FOXI3: variants seen among roughly 807,000 people sequenced by gnomAD.
FOXI3 encodes forkhead box I3, also known as forkhead box protein I3.
FOXI3 carries 4 observed loss-of-function variants against 15.6 expected under a neutral mutation model. The ratio of observed to expected loss-of-function variants is 0.26; its 90% CI spans 0.13 to 0.59. The LOEUF (loss-of-function observed/expected upper bound fraction) is 0.59, where lower values mean the gene tolerates loss of function less well. Ranked by LOEUF, FOXI3 falls within the 20% of genes least tolerant of loss-of-function variation. The probability of loss-of-function intolerance (pLI) is 0.90; values close to 1 mark genes in which losing one functional copy is unlikely to be tolerated. For missense variants in FOXI3, 489 were observed against 548.2 expected, an observed-to-expected ratio of 0.89 and a Z score of 1.08; for synonymous variants, 238 against 244.4, an observed-to-expected ratio of 0.97 and a Z score of 0.25.
chr2:88,448,921 G>C, intron 1 of FOXI3, 92 bp from the exon 2 acceptor site: 1 of 1,350,508 alleles, frequency 7.4e-7, no homozygotes, highest in Non-Finnish European at 1.0e-6. Flanking sequence ...ACTCTCATTA[G>C]ATGCTGACAA....
In FOXI3 at chr2:88,452,460, C is replaced by CGGCGGCGGT; in HGVS notation, c.67_75dup (p.Thr23_Ala25dup). 1 of 1,059,806 alleles carries CGGCGGCGGT rather than the reference C, an allele frequency of 9.4e-7. No individual in the cohort carries two copies. Among genetic ancestry groups the CGGCGGCGGT allele is most frequent in the South Asian group, 4.4e-5 (1 of 22,660 alleles). The allele number at this position is 1,059,806 out of a possible 1,614,324, so 65.7% of individuals were successfully genotyped here. On this transcript the variant is annotated inframe_insertion, in exon 1 of 2. Transcript: ENST00000428390. Reference sequence around the variant, plus strand: ...CTGGCTGCCGGGGGGGCGCCCGGGGCGGCGGCGGTGGCGGCGGGCGGGGGC... The same window carrying CGGCGGCGGT: ...CTGGCTGCCGGGGGGGCGCCCGGGGCGGCGGCGGTGGCGGCGGTGGCGGCGGGCGGGGGC...
rs1558612069 is a variant in FOXI3 at position 88,452,200 on chromosome 2, G to GGC, written c.335_336insGC (p.Ala113ProfsTer29). On this transcript the variant is annotated frameshift_variant, in exon 1 of 2. Coordinates refer to ENST00000428390, the MANE Select transcript of FOXI3 (RefSeq NM_001135649.3). LOFTEE classifies it high-confidence loss of function. ...CGGGCGAGGCGGGCGCGGCGGGCGC[G>GGC]GGCTGCGCGAAGGGCCGCTGAGAGC... 33 of 1,197,772 alleles carry GGC rather than the reference G, an allele frequency of 2.8e-5. No homozygotes were observed. The highest frequency in any genetic ancestry group is 4.0e-5 in the South Asian group (1 of 25,148). 74.2% of individuals were successfully genotyped at this position (1,197,772 alleles called of 1,614,324 possible). A position where few individuals can be genotyped will look rare whatever the true frequency, so the allele number is the denominator to read the frequency against.
In FOXI3 at chr2:88,448,976, GA is replaced by G; in HGVS notation, c.641-148del. 7.5e-6 allele frequency: 8 copies of G among 1,064,920 alleles called. No individual in the cohort carries two copies. The South Asian group carries it at 1.1e-4, about 14-fold the overall frequency. The allele number at this position is 1,064,920 out of a possible 1,614,324, so 66.0% of individuals were successfully genotyped here. A position where few individuals can be genotyped will look rare whatever the true frequency, so the allele number is the denominator to read the frequency against. ...ATATTCAAACCAATCCTCTTTCGGG[GA>G]AAATGTTACTCTTTGCTTCAGAGAA... On this transcript the variant is annotated intron_variant, in intron 1 of 1. Transcript: ENST00000428390.
At position 88,446,875 on chromosome 2, in the gene FOXI3, G is replaced by A. The variant is rs139181489; in HGVS notation, c.*1332C>T. On this transcript the variant is annotated 3_prime_UTR_variant, in exon 2 of 2. Coordinates refer to ENST00000428390, the MANE Select transcript of FOXI3 (RefSeq NM_001135649.3). Reference sequence around the variant, plus strand: ...TCCTTCCCTCTATATACTTATAACTGGCTATGGAGGCTGGTTTCTTGGTTT... The same window carrying A: ...TCCTTCCCTCTATATACTTATAACTAGCTATGGAGGCTGGTTTCTTGGTTT... The A allele has an allele frequency of 6.6e-6, 1 of 152,238 alleles. No homozygotes were observed. The highest frequency in any genetic ancestry group is 1.5e-5 in the Non-Finnish European group (1 of 68,028). 9.4% of individuals were successfully genotyped at this position (152,238 alleles called of 1,614,324 possible). A position where few individuals can be genotyped will look rare whatever the true frequency, so the allele number is the denominator to read the frequency against.
In FOXI3 at chr2:88,448,312, G is replaced by T. The variant is rs747609715; in HGVS notation, c.1158C>A (p.Phe386Leu). 3 of 1,551,722 alleles carry T rather than the reference G, an allele frequency of 1.9e-6. No homozygotes were observed. The South Asian group carries it at 3.6e-5, about 18-fold the overall frequency. The change falls in exon 2 of 2, where the codon TTC becomes TTA. Residue 386 changes from phenylalanine to leucine, a missense_variant. Transcript: ENST00000428390. ...TGQRSSYYSP[F>L]PASTSGGQSS... ...TTTGCCCCCCGCTGGTGCTGGCAGG[G>T]AAAGGGCTGTAATAGGAAGATCTCT...
In FOXI3 at chr2:88,448,787, A is replaced by G; in HGVS notation, c.683T>C (p.Met228Thr). The G allele has an allele frequency of 4.5e-6, 7 of 1,551,628 alleles. No homozygotes were observed. The highest frequency in any genetic ancestry group is 6.1e-6 in the Non-Finnish European group (7 of 1,146,964). The change falls in exon 2 of 2, where the codon ATG becomes ACG. Residue 228 changes from methionine (M) to threonine (T), a missense_variant. Met to Thr is a moderately conservative substitution (Grantham distance 81). Transcript: ENST00000428390. Reference sequence around the variant, plus strand: ...CCGACGGAAGTTCCCATTGTCAAACATTTTCTCGCAGTTCGGATCAAGAGT... The same window carrying G: ...CCGACGGAAGTTCCCATTGTCAAACGTTTTCTCGCAGTTCGGATCAAGAGT... ...YWTLDPNCEK[M>T]FDNGNFRRKR...
At position 88,452,532 on chromosome 2, in the gene FOXI3, C is replaced by G; in HGVS notation, c.4G>C (p.Ala2Pro). 9.2e-7 allele frequency: 1 copy of G among 1,089,222 alleles called. No homozygotes were observed. Among genetic ancestry groups the G allele is most frequent in the Non-Finnish European group, 1.1e-6 (1 of 897,296 alleles). The allele number at this position is 1,089,222 out of a possible 1,614,324, so 67.5% of individuals were successfully genotyped here. ...CCGAAGTTGTCGCCGCAGTAGAGGGCCATGTCGGCGGCCGTGGGCGGCTGC... is the reference window on the plus strand; with the variant it reads ...CCGAAGTTGTCGCCGCAGTAGAGGGGCATGTCGGCGGCCGTGGGCGGCTGC... Reference protein sequence around the residue: MALYCGDNFGVY... With the variant: MPLYCGDNFGVY... The change falls in exon 1 of 2, where the codon GCC becomes CCC. Residue 2 changes from alanine to proline, a missense_variant. This residue lies in a region of FOXI3 where 224 missense variants were observed against 245.7 expected (regional missense o/e 0.91). Transcript: ENST00000428390.
In FOXI3 at chr2:88,448,352, C is replaced by T. The variant is rs1396042642; in HGVS notation, c.1118G>A (p.Ser373Asn). ...GGAAGATCTCTGGCCGGTGCTATTG[C>T]TGGTGCTATTGCTCAGTTGCAAGGT... ...ADTLQLSNST[S>N]NSTGQRSSYY... The change falls in exon 2 of 2, where the codon AGC (serine) becomes AAC (asparagine). Residue 373 changes from serine to asparagine, a missense_variant. By Grantham distance (46) the Ser-to-Asn change is conservative. Coordinates refer to ENST00000428390, the MANE Select transcript of FOXI3 (RefSeq NM_001135649.3). 6.4e-7 allele frequency: 1 copy of T among 1,551,524 alleles called. No homozygotes were observed. The highest frequency in any genetic ancestry group is 8.7e-7 in the Non-Finnish European group (1 of 1,146,980).
At chr2:88,449,591 T>C (rs1676007994) in intron 1 of FOXI3, among the ~76,000 whole-genome samples, 1 of 152,202 alleles carries the variant, frequency 6.6e-6, no homozygotes, top group Non-Finnish European at 1.5e-5. Context: ...TTTCACCCAT[T>C]GGGTAAATAA....
chr2:88,448,514 A>G lies in FOXI3; in HGVS notation c.956T>C (p.Leu319Pro), dbSNP rs910899928. The change falls in exon 2 of 2, where the codon CTC (leucine) becomes CCC (proline). Residue 319 changes from leucine to proline, a missense_variant. By Grantham distance (98) the Leu-to-Pro change is moderately conservative. This residue lies in a region of FOXI3 where 263 missense variants were observed against 285.5 expected (regional missense o/e 0.92). Coordinates refer to ENST00000428390, the MANE Select transcript of FOXI3 (RefSeq NM_001135649.3). The part of the protein sequence containing the change: ...TPCLNTFFSS[L>P]SSLSVSSSVS... ...ACTGCTGCTGACACTCAAGGAGCTG[A>G]GGCTGCTGAAGAAAGTGTTGAGACA... The G allele has an allele frequency of 6.4e-7, 1 of 1,551,550 alleles. No individual in the cohort carries two copies. The highest frequency in any genetic ancestry group is 1.4e-5 in the African/African-American group (1 of 73,026).
In FOXI3 at chr2:88,452,643, C is replaced by T. The variant is rs1676075886; in HGVS notation, c.-108G>A. Reference sequence around the variant, plus strand: ...TTGGGGGCCAACCCTGCGGCTCCGCCTTCACCCGCGCTGGGCGCCCGGTGC... The same window carrying T: ...TTGGGGGCCAACCCTGCGGCTCCGCTTTCACCCGCGCTGGGCGCCCGGTGC... On this transcript the variant is annotated 5_prime_UTR_variant, in exon 1 of 2. Coordinates refer to ENST00000428390, the MANE Select transcript of FOXI3 (RefSeq NM_001135649.3). 11 of 692,384 alleles carry T rather than the reference C, an allele frequency of 1.6e-5. No individual in the cohort carries two copies. The highest frequency in any genetic ancestry group is 2.0e-5 in the Non-Finnish European group (11 of 550,808). 42.9% of individuals were successfully genotyped at this position (692,384 alleles called of 1,614,324 possible).
At position 88,452,368 on chromosome 2, in the gene FOXI3, G is replaced by A; in HGVS notation, c.168C>T (p.Leu56=). Residue 56 remains leucine, a synonymous_variant, in exon 1 of 2, where the codon CTC becomes CTT. Transcript: ENST00000428390. ...PAAAANPYLW[L]NGPGVGGPPS... is the part of the protein sequence containing the mutation. ...GCGGGCCTCCCACGCCGGGCCCGTT[G>A]AGCCACAGGTAGGGGTTGGCGGCGG... 1 of 987,518 alleles carries A rather than the reference G, an allele frequency of 1.0e-6. No homozygotes were observed. Among genetic ancestry groups the A allele is most frequent in the Non-Finnish European group, 1.2e-6 (1 of 832,968 alleles). 61.2% of individuals were successfully genotyped at this position (987,518 alleles called of 1,614,324 possible). A position where few individuals can be genotyped will look rare whatever the true frequency, so the allele number is the denominator to read the frequency against.
chr2:88,448,684 G>A lies in FOXI3; in HGVS notation c.786C>T (p.Ser262=), dbSNP rs1320852008. Residue 262 remains serine, a synonymous_variant, in exon 2 of 2, where the codon TCC becomes TCT. Transcript: ENST00000428390. Reference sequence around the variant, plus strand: ...CACCCACTCCAGACCCCAATCCTGAGGAGAGCCCTTCTTCGGACTTTGATG... The same window carrying A: ...CACCCACTCCAGACCCCAATCCTGAAGAGAGCCCTTCTTCGGACTTTGATG... ...AGTSKSEEGL[S]SGLGSGVGGK... is the part of the protein sequence containing the mutation. The A allele has an allele frequency of 1.5e-5, 23 of 1,551,746 alleles. No homozygotes were observed. The highest frequency in any genetic ancestry group is 2.0e-5 in the Admixed American group (1 of 50,994).
intron 1 of FOXI3, among the ~76,000 whole-genome samples, chr2:88,451,050 T>G (rs1468795423): frequency 6.6e-6 from 1 of 152,140 alleles, no homozygotes; most frequent in African/African-American, 2.4e-5. Context: ...TTTCATCTCT[T>G]TTCTCTTTTT....
At position 88,448,752 on chromosome 2, in the gene FOXI3, G is replaced by A. The variant is rs1451029499; in HGVS notation, c.718C>T (p.Arg240Cys). ...GAGCCATTGCTGGCCTCAGAGCGGC[G>A]CTTTCGCTTCCGACGGAAGTTCCCA... is the stretch of plus-strand genomic sequence containing the variant. Reference protein sequence around the residue: ...DNGNFRRKRKRRSEASNGSTV... With the variant: ...DNGNFRRKRKCRSEASNGSTV... Residue 240 changes from arginine to cysteine, a missense_variant, in exon 2 of 2, where the codon CGC becomes TGC. Physicochemically the swap from Arg to Cys is radical, Grantham distance 180 (BLOSUM62 -3). Transcript: ENST00000428390. 3.2e-6 allele frequency: 5 copies of A among 1,551,868 alleles called. No homozygotes were observed. The South Asian group carries it at 4.8e-5, about 15-fold the overall frequency.
rs1370585001 is a variant in FOXI3 at position 88,448,751 on chromosome 2, C to T, written c.719G>A (p.Arg240His). Residue 240 changes from arginine to histidine, a missense_variant, in exon 2 of 2, where the codon CGC becomes CAC. This residue lies in a region of FOXI3 where 263 missense variants were observed against 285.5 expected (regional missense o/e 0.92). Transcript: ENST00000428390. ...DNGNFRRKRK[R>H]RSEASNGSTV... ...GGAGCCATTGCTGGCCTCAGAGCGG[C>T]GCTTTCGCTTCCGACGGAAGTTCCC... 27 of 1,551,780 alleles carry T rather than the reference C, an allele frequency of 1.7e-5. No homozygotes were observed. Among genetic ancestry groups the T allele is most frequent in the African/African-American group, 1.5e-4 (11 of 73,054 alleles).
Position 88,448,315 on chromosome 2 carries a change from A to G in FOXI3, c.1155T>C (p.Pro385=). Residue 385 remains proline (P), a synonymous_variant, in exon 2 of 2, where the codon CCT becomes CCC. Coordinates refer to ENST00000428390, the MANE Select transcript of FOXI3 (RefSeq NM_001135649.3). ...GCCCCCCGCTGGTGCTGGCAGGGAA[A>G]GGGCTGTAATAGGAAGATCTCTGGC... ...STGQRSSYYS[P]FPASTSGGQS... The G allele has an allele frequency of 1.3e-6, 2 of 1,551,650 alleles. No homozygotes were observed. Among genetic ancestry groups the G allele is most frequent in the Non-Finnish European group, 1.7e-6 (2 of 1,146,978 alleles).
At position 88,452,169 on chromosome 2, in the gene FOXI3, G is replaced by A. The variant is rs1162139286; in HGVS notation, c.367C>T (p.Pro123Ser). ...APAAPASPAA[P>S]AGPGELGWLS... ...CAGCCCAGCTCCCCGGGCCCCGCGGGCGCGGCGGGCGAGGCGGGCGCGGCG... is the reference window on the plus strand; with the variant it reads ...CAGCCCAGCTCCCCGGGCCCCGCGGACGCGGCGGGCGAGGCGGGCGCGGCG... The change falls in exon 1 of 2, where the codon CCC becomes TCC. Residue 123 changes from proline to serine, a missense_variant. Pro to Ser is a moderately conservative substitution (Grantham distance 74, BLOSUM62 -1). Transcript: ENST00000428390. The A allele has an allele frequency of 3.8e-6, 5 of 1,332,850 alleles. No individual in the cohort carries two copies. Among genetic ancestry groups the A allele is most frequent in the Non-Finnish European group, 4.8e-6 (5 of 1,043,860 alleles). The allele number at this position is 1,332,850 out of a possible 1,614,324, so 82.6% of individuals were successfully genotyped here. A position where few individuals can be genotyped will look rare whatever the true frequency, so the allele number is the denominator to read the frequency against.
chr2:88,451,918 C>T lies in FOXI3; in HGVS notation c.618G>A (p.Val206=). The part of the protein sequence containing the change: ...NLSLNDCFKK[V]PRDEDDPGKG... Reference sequence around the variant, plus strand: ...CACCTGGGTCGTCCTCGTCGCGGGGCACCTTCTTGAAGCAGTCGTTGAGCG... The same window carrying T: ...CACCTGGGTCGTCCTCGTCGCGGGGTACCTTCTTGAAGCAGTCGTTGAGCG... Residue 206 remains valine, a synonymous_variant, in exon 1 of 2, where the codon GTG becomes GTA. Coordinates refer to ENST00000428390, the MANE Select transcript of FOXI3 (RefSeq NM_001135649.3). 6.2e-7 allele frequency: 1 copy of T among 1,613,682 alleles called. No individual in the cohort carries two copies. Among genetic ancestry groups the T allele is most frequent in the Non-Finnish European group, 8.5e-7 (1 of 1,179,826 alleles).
Sources: allele counts gnomAD v4.1 joint callset (sites outside exome capture counted in the v4.1 genomes callset), GRCh38; gene constraint gnomAD v4.1.1; regional missense constraint gnomAD v4.1.1; transcripts MANE v1.5; gene names NCBI Gene and HGNC (gene_info 2026-07-23, HGNC 2026-07-21).